TGIF1: variants seen among roughly 807,000 people sequenced by gnomAD.
TGIF1 encodes the protein TGFB induced factor homeobox 1.
A neutral mutation model predicts 19.3 loss-of-function variants in TGIF1; 4 were observed. The observed-to-expected ratio is 0.21, with a 90% CI of 0.10 to 0.47. The LOEUF (loss-of-function observed/expected upper bound fraction) is 0.47. Among genes scored for constraint, TGIF1 ranks in the 20% least tolerant of loss-of-function variants. TGIF1 has a pLI of 0.98. For missense variants in TGIF1, 275 were observed against 341.4 expected, an observed-to-expected ratio of 0.81 and a Z score of 1.53; for synonymous variants, 122 against 129.3, an observed-to-expected ratio of 0.94 and a Z score of 0.38.
chr18:3,436,141 C>G (rs2082611924), intron 2 of TGIF1, among the ~76,000 whole-genome samples: 2 of 152,204 alleles, frequency 1.3e-5, no homozygotes, highest in Admixed American at 1.3e-4. Context: ...AAGGTTAATA[C>G]TTCACACATA....
chr18:3,427,029 C>T (rs2082479725), intron 2 of TGIF1, among the ~76,000 whole-genome samples: 1 of 151,304 alleles, frequency 6.6e-6, no homozygotes, highest in Non-Finnish European at 1.5e-5. Flanking sequence ...GTTCAACCTC[C>T]ACCTCCCGGG....
In TGIF1 at chr18:3,438,604, C is replaced by CACACAA. The variant is rs1165597122; in HGVS notation, c.-44-17745_-44-17744insAACACA. ...ATCATTTCATACACACAAACACACA[C>CACACAA]ACACACACACACACACACACACACG... On this transcript the variant is annotated intron_variant, in intron 2 of 3. Coordinates refer to the TGIF1 transcript ENST00000401449. Among the ~76,000 whole-genome samples, 1,345 of 151,320 alleles carry CACACAA rather than the reference C, an allele frequency of 8.9e-3. 26 individuals are homozygous for CACACAA. Among genetic ancestry groups the CACACAA allele is most frequent in the African/African-American group, 0.031 (1,297 of 41,268 alleles).
intron 1 of TGIF1, among the ~76,000 whole-genome samples, chr18:3,416,236 G>A (rs528755780): frequency 2.6e-5 from 4 of 152,288 alleles, no homozygotes; most frequent in African/African-American, 7.2e-5. Context: ...AAAAACATTT[G>A]CAGCTGGGCA....
At chr18:3,442,877 T>C (rs919736982) in intron 2 of TGIF1, among the ~76,000 whole-genome samples, 1 of 152,190 alleles carries the variant, frequency 6.6e-6, no homozygotes, top group Non-Finnish European at 1.5e-5. Context: ...ACCTGGGAGA[T>C]AGACAAATAG....
At chr18:3,448,061 G>C (rs1406571807), upstream of TGIF1, 2 of 979,086 alleles carry the variant, frequency 2.0e-6, no homozygotes, top group African/African-American at 1.9e-5. Flanking sequence ...GTCTCGAGCT[G>C]GCTAAAGCGG....
chr18:3,439,031 G>A (rs2082650429), intron 2 of TGIF1, among the ~76,000 whole-genome samples: 1 of 152,122 alleles, frequency 6.6e-6, no homozygotes, highest in South Asian at 2.1e-4. Context: ...CATTTAGACC[G>A]AGGAATAAGG....
intron 1 of TGIF1, chr18:3,452,118 C>A (rs375741920): frequency 1.9e-5 from 31 of 1,613,800 alleles, no homozygotes; most frequent in Non-Finnish European, 2.6e-5. Flanking sequence ...CACGGCTTTT[C>A]TGGCGTCCCC....
At chr18:3,440,599 A>G (rs932222217) in intron 2 of TGIF1, among the ~76,000 whole-genome samples, 3 of 152,202 alleles carry the variant, frequency 2.0e-5, no homozygotes, top group Non-Finnish European at 4.4e-5. Context: ...CGCCCCGATT[A>G]GAAAGGCCTT....
chr18:3,443,092 A>G (rs2082694869), intron 2 of TGIF1, among the ~76,000 whole-genome samples: 1 of 152,244 alleles, frequency 6.6e-6, no homozygotes, highest in Non-Finnish European at 1.5e-5. Context: ...AAAGATCTGC[A>G]TACAAACTAA....
chr18:3,420,653 A>G (rs955775580), intron 2 of TGIF1, among the ~76,000 whole-genome samples: 3 of 152,188 alleles, frequency 2.0e-5, no homozygotes, highest in Admixed American at 6.5e-5. Context: ...AAGTAAAAGG[A>G]TGAATACAGA....
chr18:3,426,404 A>G (rs775387935), intron 2 of TGIF1, among the ~76,000 whole-genome samples: 84 of 152,112 alleles, frequency 5.5e-4, no homozygotes, highest in Admixed American at 1.4e-3. Context: ...CCTGACCTCC[A>G]GCGATCCGCC....
At chr18:3,443,949 T>C (rs1204384827) in intron 2 of TGIF1, among the ~76,000 whole-genome samples, 1 of 151,614 alleles carries the variant, frequency 6.6e-6, no homozygotes, top group African/African-American at 2.4e-5. Context: ...TTTTTTTTTT[T>C]TTTGAGACGG....
upstream of TGIF1, chr18:3,447,768 T>G: frequency 1.2e-6 from 2 of 1,614,214 alleles, no homozygotes; most frequent in Non-Finnish European, 1.7e-6. Context: ...AGTTGTGCAT[T>G]GGCCCGATCA....
intron 1 of TGIF1, among the ~76,000 whole-genome samples, chr18:3,452,543 G>GT: frequency 6.6e-6 from 1 of 152,286 alleles, no homozygotes; most frequent in Admixed American, 6.5e-5. Context: ...CTCATTTCTA[G>GT]TTTCTTGGGT....
upstream of TGIF1, chr18:3,448,601 G>C (rs2082795821): frequency 1.4e-5 from 14 of 985,374 alleles, no homozygotes; most frequent in Non-Finnish European, 1.6e-5. Context: ...TCGTAAGGTT[G>C]CTGCCTTCTT....
chr18:3,425,819 A>G (rs746059077), intron 2 of TGIF1, among the ~76,000 whole-genome samples: 1 of 152,158 alleles, frequency 6.6e-6, no homozygotes, highest in African/African-American at 2.4e-5. Context: ...TCTTGACTGC[A>G]ATGCCATGGG....
chr18:3,458,126 G>A lies in TGIF1; in HGVS notation c.*186G>A, dbSNP rs2049423585. Reference sequence around the variant, plus strand: ...CAAGAACTATAAACTTAAAGCTACTGTAGAAACAAAGGGTTTTCTTTTTTA... The same window carrying A: ...CAAGAACTATAAACTTAAAGCTACTATAGAAACAAAGGGTTTTCTTTTTTA... On this transcript the variant is annotated 3_prime_UTR_variant, in exon 3 of 3. Transcript: ENST00000343820. 3 of 593,052 alleles carry A rather than the reference G, an allele frequency of 5.1e-6. No individual in the cohort carries two copies. The highest frequency in any genetic ancestry group is 4.5e-5 in the South Asian group (2 of 44,072). 36.7% of individuals were successfully genotyped at this position (593,052 alleles called of 1,614,324 possible). A position where few individuals can be genotyped will look rare whatever the true frequency, so the allele number is the denominator to read the frequency against.
Position 3,451,860 on chromosome 18 carries a change from G to A in TGIF1, c.16+1355G>A. On this transcript the variant is annotated intron_variant, in intron 1 of 2. Transcript: ENST00000343820. The surrounding 1 kb of genome is among the most constrained non-coding windows in gnomAD (Gnocchi z 5.4). ...GGCCCTGGGAGAAAACGCGCGGGGG[G>A]CGTCCGAGACGCCCCGTGAAAGCCG... 5.7e-6 allele frequency: 8 copies of A among 1,407,564 alleles called. No homozygotes were observed. The highest frequency in any genetic ancestry group is 3.0e-5 in the Admixed American group (1 of 33,136). 87.2% of individuals were successfully genotyped at this position (1,407,564 alleles called of 1,614,324 possible).
intron 2 of TGIF1, among the ~76,000 whole-genome samples, chr18:3,442,652 A>G (rs1245935418): frequency 6.6e-6 from 1 of 152,214 alleles, no homozygotes; most frequent in East Asian, 1.9e-4. Flanking sequence ...TGGGAGACTG[A>G]GATGGGAGGA....
Sources: gnomAD v4.1 joint callset for allele counts (sites outside exome capture counted in the v4.1 genomes callset) on GRCh38, gnomAD v4.1.1 for gene constraint, Gnocchi (gnomAD v3.1) non-coding constraint, MANE v1.5 for transcripts, NCBI Gene and HGNC (gene_info 2026-07-23, HGNC 2026-07-21) for gene names.